The following STAU1 variants were observed in gnomAD, a reference collection of about 807,000 sequenced individuals.
The protein encoded by STAU1 is staufen double-stranded RNA binding protein 1.
STAU1 carries 13 observed loss-of-function variants against 62.9 expected under a neutral mutation model. The observed-to-expected ratio is 0.21, with a 90% CI of 0.13 to 0.33. The LOEUF (loss-of-function observed/expected upper bound fraction) is 0.33, where lower values mean the gene tolerates loss of function less well. STAU1 is among the 10% of genes least tolerant of loss of function. The pLI, the probability that STAU1 is intolerant of heterozygous loss-of-function variation, is 1.00. For synonymous variants in STAU1, 269 were observed against 265.1 expected (o/e 1.01, Z -0.14); for missense variants, 571 against 712.1 (o/e 0.80, Z 2.25).
chr20:49,195,354 G>A, the STAU1 span, among the ~76,000 whole-genome samples: 1 of 150,202 alleles, frequency 6.7e-6, no homozygotes, highest in South Asian at 2.1e-4. Context: ...TGGCTAACAC[G>A]GTGAAACCCC....
the STAU1 span, among the ~76,000 whole-genome samples, chr20:49,216,543 A>C: frequency 1.7e-5 from 2 of 116,496 alleles, no homozygotes; most frequent in Admixed American, 1.7e-4. Flanking sequence ...TAAGTAATTA[A>C]TTAAAAAAAA....
intron 5 of STAU1, among the ~76,000 whole-genome samples, chr20:49,144,808 G>A (rs994799910): frequency 6.6e-6 from 1 of 152,164 alleles, no homozygotes; most frequent in Non-Finnish European, 1.5e-5. Context: ...ATCCACCCCA[G>A]AGGCTTTATC....
chr20:49,201,741 C>CAAAAAAA, the STAU1 span, among the ~76,000 whole-genome samples: 1 of 75,274 alleles, frequency 1.3e-5, no homozygotes, highest in Non-Finnish European at 2.5e-5. Context: ...GACTCTGTCT[C>CAAAAAAA]AAAAAAAAAA....
chr20:49,205,253 C>A, the STAU1 span, among the ~76,000 whole-genome samples: 1 of 151,982 alleles, frequency 6.6e-6, no homozygotes, highest in Middle Eastern at 3.2e-3. Flanking sequence ...TTTGGTCATG[C>A]AAAATAGCTT....
chr20:49,159,365 T>C (rs564469709), intron 3 of STAU1, among the ~76,000 whole-genome samples: 1 of 152,200 alleles, frequency 6.6e-6, no homozygotes, highest in East Asian at 1.9e-4. Context: ...GAACAACTTG[T>C]GGGTAAAAAG....
chr20:49,186,621 T>C (rs551468030), intron 1 of STAU1, among the ~76,000 whole-genome samples: 2 of 152,094 alleles, frequency 1.3e-5, no homozygotes, highest in East Asian at 1.9e-4. Flanking sequence ...TAAAACTAAG[T>C]ACAGAATTTT....
At chr20:49,201,540 A>C in the STAU1 span, among the ~76,000 whole-genome samples, 1 of 151,720 alleles carries the variant, frequency 6.6e-6, no homozygotes, top group Non-Finnish European at 1.5e-5. Context: ...TCAGGAGTTC[A>C]AGAGCACCCT....
chr20:49,196,653 C>T, the STAU1 span, among the ~76,000 whole-genome samples: 3 of 151,692 alleles, frequency 2.0e-5, no homozygotes, highest in Admixed American at 2.0e-4. Context: ...GTAATCCCAG[C>T]TCCTCTCGAG....
chr20:49,129,479 G>A (rs1458125557), intron 6 of STAU1, among the ~76,000 whole-genome samples: 5 of 150,976 alleles, frequency 3.3e-5, no homozygotes, highest in Non-Finnish European at 7.4e-5. Context: ...GTAGAGAAGG[G>A]GTTACGCTAT....
chr20:49,127,740 A>G (rs1392805355), intron 6 of STAU1, among the ~76,000 whole-genome samples: 1 of 151,756 alleles, frequency 6.6e-6, no homozygotes, highest in Non-Finnish European at 1.5e-5. Flanking sequence ...GGCCAGGCAC[A>G]TTGGCTCACT....
At chr20:49,196,946 C>T in the STAU1 span, among the ~76,000 whole-genome samples, 1 of 152,116 alleles carries the variant, frequency 6.6e-6, no homozygotes, top group East Asian at 1.9e-4. Context: ...TGCCTGAGCT[C>T]GGGAGTTCAA....
intron 5 of STAU1, among the ~76,000 whole-genome samples, chr20:49,149,203 A>G (rs1295785420): frequency 6.6e-6 from 1 of 151,560 alleles, no homozygotes; most frequent in Non-Finnish European, 1.5e-5. Flanking sequence ...GTGAACCAAG[A>G]TCATGCCACT....
the STAU1 span, among the ~76,000 whole-genome samples, chr20:49,210,862 G>A: frequency 6.6e-6 from 1 of 152,022 alleles, no homozygotes; most frequent in African/African-American, 2.4e-5. Flanking sequence ...GTGACATTTA[G>A]TACATTCACA....
chr20:49,187,080 A>G (rs1291489051), intron 1 of STAU1, among the ~76,000 whole-genome samples: 2 of 152,092 alleles, frequency 1.3e-5, no homozygotes, highest in Non-Finnish European at 2.9e-5. Context: ...AAGACAGACA[A>G]ATTTTTCCAT....
Position 49,128,823 on chromosome 20 carries a change from T to C in STAU1, c.610-4236A>G, listed in dbSNP as rs563605279. ...AAAACATCCCTTATGTCACAGTATA[T>C]ATGAAAACTAACTCGAAATGAATTA... On this transcript the variant is annotated intron_variant, in intron 6 of 13. Coordinates refer to ENST00000371856, the MANE Select transcript of STAU1 (RefSeq NM_017453.4). Among the ~76,000 whole-genome samples the C allele has an allele frequency of 3.5e-5, 5 of 141,502 alleles. No individual in the cohort carries two copies. In the East Asian group the frequency reaches 1.0e-3, roughly 29 times the overall value. The allele number at this position is 141,502 out of a possible 152,430, so 92.8% of individuals were successfully genotyped here.
upstream of STAU1, among the ~76,000 whole-genome samples, chr20:49,192,984 A>G (rs1333566146): frequency 1.3e-5 from 2 of 152,204 alleles, no homozygotes; most frequent in Non-Finnish European, 2.9e-5. Flanking sequence ...ATTACCAATT[A>G]AAATAGTTAG....
chr20:49,145,194 G>A (rs2093099815), intron 5 of STAU1, among the ~76,000 whole-genome samples: 1 of 152,100 alleles, frequency 6.6e-6, no homozygotes, highest in Non-Finnish European at 1.5e-5. Flanking sequence ...GGGAGGCTGA[G>A]GCGGGTGGAT....
At chr20:49,187,202 A>C (rs577039693) in intron 1 of STAU1, among the ~76,000 whole-genome samples, 26 of 152,260 alleles carry the variant, frequency 1.7e-4, no homozygotes, top group Admixed American at 1.2e-3. Flanking sequence ...TGACAAGAAG[A>C]AGCTGGATGA....
upstream of STAU1, among the ~76,000 whole-genome samples, chr20:49,189,201 C>CAAAAA (rs545643816): frequency 7.4e-4 from 25 of 33,622 alleles, 5 homozygotes; most frequent in South Asian, 2.1e-3. Context: ...ACACTGGTCT[C>CAAAAA]AAAAAAAAAA....
Sources: gnomAD v4.1 joint callset for allele counts (sites outside exome capture counted in the v4.1 genomes callset) on GRCh38, gnomAD v4.1.1 for gene constraint, MANE v1.5 for transcripts, NCBI Gene and HGNC (gene_info 2026-07-23, HGNC 2026-07-21) for gene names.